The following PPP1R14C variants were observed in gnomAD, a reference collection of about 807,000 sequenced individuals.
The protein encoded by PPP1R14C is protein phosphatase 1 regulatory inhibitor subunit 14C.
A neutral mutation model predicts 20.4 loss-of-function variants in PPP1R14C; 16 were observed. The ratio of observed to expected loss-of-function variants is 0.78; its 90% CI spans 0.53 to 1.19. The LOEUF (loss-of-function observed/expected upper bound fraction) is 1.19. Among genes scored for constraint, PPP1R14C ranks in the 50% most tolerant of loss-of-function variants. The pLI is 0.00. For synonymous variants in PPP1R14C, 91 were observed against 91.0 expected, an observed-to-expected ratio of 1.00 and a Z score of 0.00; for missense variants, 211 against 220.1, an observed-to-expected ratio of 0.96 and a Z score of 0.26.
chr6:150,205,164 A>G (rs1261080776), intron 1 of PPP1R14C, among the ~76,000 whole-genome samples: 3 of 152,112 alleles, frequency 2.0e-5, no homozygotes, highest in African/African-American at 7.2e-5. Flanking sequence ...GGTGGGAAAG[A>G]GAAACCTGCC....
intron 1 of PPP1R14C, among the ~76,000 whole-genome samples, chr6:150,183,028 A>T (rs1777639379): frequency 1.3e-5 from 2 of 152,208 alleles, no homozygotes; most frequent in Admixed American, 1.3e-4. Context: ...ATCTTATGGG[A>T]CCACTGCTGT....
intron 3 of PPP1R14C, among the ~76,000 whole-genome samples, chr6:150,235,211 C>T (rs1374693170): frequency 6.6e-6 from 1 of 152,214 alleles, no homozygotes; most frequent in Non-Finnish European, 1.5e-5. Context: ...GCCTCAGTCT[C>T]CTGAGTAGCT....
intron 1 of PPP1R14C, among the ~76,000 whole-genome samples, chr6:150,204,448 A>G (rs1425687917): frequency 6.6e-6 from 1 of 152,168 alleles, no homozygotes; most frequent in Non-Finnish European, 1.5e-5. Context: ...GTCTTCACTT[A>G]ACGATTTTCA....
chr6:150,248,119 C>A (rs1778515807), intron 3 of PPP1R14C, among the ~76,000 whole-genome samples: 1 of 152,136 alleles, frequency 6.6e-6, no homozygotes, highest in African/African-American at 2.4e-5. Flanking sequence ...CCAGTCCCAT[C>A]TTGGGGGCCC....
At chr6:150,234,449 C>T (rs953256317) in intron 3 of PPP1R14C, among the ~76,000 whole-genome samples, 1 of 152,108 alleles carries the variant, frequency 6.6e-6, no homozygotes, top group African/African-American at 2.4e-5. Context: ...GCAATTTATT[C>T]GTAACAACTT....
intron 3 of PPP1R14C, among the ~76,000 whole-genome samples, chr6:150,236,643 G>GCA (rs200728075): frequency 0.033 from 4,995 of 150,466 alleles, 124 homozygotes; most frequent in Middle Eastern, 0.058. Flanking sequence ...GTGTGTGCGC[G>GCA]TGTGTGTGTT....
intron 1 of PPP1R14C, among the ~76,000 whole-genome samples, chr6:150,161,380 T>C (rs1181082055): frequency 2.6e-5 from 4 of 152,208 alleles, no homozygotes; most frequent in Non-Finnish European, 5.9e-5. Flanking sequence ...ATCTCTCACA[T>C]GACAGCAAGA....
At chr6:150,178,957 T>G (rs557674725) in intron 1 of PPP1R14C, among the ~76,000 whole-genome samples, 3 of 152,338 alleles carry the variant, frequency 2.0e-5, no homozygotes, top group Non-Finnish European at 2.9e-5. Context: ...ATGGCTGCAT[T>G]TTTTTGCTTT....
At chr6:150,155,830 G>A (rs994754964) in intron 1 of PPP1R14C, among the ~76,000 whole-genome samples, 8 of 151,560 alleles carry the variant, frequency 5.3e-5, no homozygotes, top group Admixed American at 3.9e-4. Context: ...TTTGAGACCA[G>A]CCTGAACAAC....
At chr6:150,186,720 G>A (rs2114883567) in intron 1 of PPP1R14C, among the ~76,000 whole-genome samples, 1 of 152,270 alleles carries the variant, frequency 6.6e-6, no homozygotes, top group Non-Finnish European at 1.5e-5. Flanking sequence ...GCTGGGGACG[G>A]CCTGGACCAG....
rs1777707694 is a variant in PPP1R14C, at chr6:150,188,760, A to G, written c.307-25984A>G. Among the ~76,000 whole-genome samples, 3 of 151,956 alleles carry G rather than the reference A, an allele frequency of 2.0e-5. 1 individual carries two copies. The South Asian group carries it at 6.2e-4, about 31-fold the overall frequency. Reference sequence around the variant, plus strand: ...CTAGGCCTCCCAAAGTGCTGAGATTATAGGTGTGAGCCACTGCGCCTGGCT... The same window carrying G: ...CTAGGCCTCCCAAAGTGCTGAGATTGTAGGTGTGAGCCACTGCGCCTGGCT... On this transcript the variant is annotated intron_variant, in intron 1 of 3. Coordinates refer to ENST00000361131, the MANE Select transcript of PPP1R14C (RefSeq NM_030949.3).
chr6:150,150,699 C>A (rs1028981031), intron 1 of PPP1R14C, among the ~76,000 whole-genome samples: 2 of 152,130 alleles, frequency 1.3e-5, no homozygotes, highest in African/African-American at 4.8e-5. Flanking sequence ...TTTCAAGGCA[C>A]CTCTTCTGTT....
At chr6:150,191,681 T>C (rs1156387832) in intron 1 of PPP1R14C, among the ~76,000 whole-genome samples, 1 of 152,256 alleles carries the variant, frequency 6.6e-6, no homozygotes, top group African/African-American at 2.4e-5. Context: ...TCATCTTTTA[T>C]GCTGGAGGCA....
chr6:150,244,951 TC>T (rs756493130), intron 3 of PPP1R14C, among the ~76,000 whole-genome samples: 55 of 152,224 alleles, frequency 3.6e-4, no homozygotes, highest in Non-Finnish European at 7.1e-4. Flanking sequence ...GTTAATGTTT[TC>T]AACCATGAGC....
At chr6:150,175,971 C>T (rs529347290) in intron 1 of PPP1R14C, among the ~76,000 whole-genome samples, 56 of 152,316 alleles carry the variant, frequency 3.7e-4, no homozygotes, top group South Asian at 2.1e-3. Context: ...ATCTCTAAAC[C>T]GGCCACACCT....
chr6:150,237,123 CT>C (rs1203487782), intron 3 of PPP1R14C, among the ~76,000 whole-genome samples: 7 of 150,860 alleles, frequency 4.6e-5, no homozygotes, highest in Non-Finnish European at 5.9e-5. Flanking sequence ...AATGTCAAAC[CT>C]TTCCCATGGC....
intron 3 of PPP1R14C, among the ~76,000 whole-genome samples, chr6:150,229,661 C>T (rs1448457489): frequency 2.0e-5 from 3 of 152,060 alleles, no homozygotes; most frequent in East Asian, 1.9e-4. Flanking sequence ...GGACAAACAT[C>T]GTGTCAGTGG....
chr6:150,219,557 T>G (rs1406795327), intron 3 of PPP1R14C, among the ~76,000 whole-genome samples: 2 of 152,078 alleles, frequency 1.3e-5, no homozygotes, highest in Non-Finnish European at 2.9e-5. Context: ...AATTGGTATT[T>G]TTTGTTGAAC....
At chr6:150,233,955 C>A (rs1778323032) in intron 3 of PPP1R14C, among the ~76,000 whole-genome samples, 1 of 152,158 alleles carries the variant, frequency 6.6e-6, no homozygotes, top group Non-Finnish European at 1.5e-5. Flanking sequence ...TATGGCAGTT[C>A]ACGTAACACA....
Sources: gnomAD v4.1 joint callset for allele counts (sites outside exome capture counted in the v4.1 genomes callset) on GRCh38, gnomAD v4.1.1 for gene constraint, MANE v1.5 for transcripts, NCBI Gene and HGNC (gene_info 2026-07-23, HGNC 2026-07-21) for gene names.